The following GRK7 variants were observed in gnomAD, a reference collection of about 807,000 sequenced individuals.
GRK7 encodes the protein G protein-coupled receptor kinase 7, also known as rhodopsin kinase GRK7.
Under a neutral mutation model 34.1 loss-of-function variants are expected in GRK7, and 24 were observed. That is an observed-to-expected ratio of 0.70 (90% CI 0.51 to 0.99). The LOEUF (loss-of-function observed/expected upper bound fraction) is 0.99. GRK7 is among the 50% of genes least tolerant of loss of function. The pLI is 0.00. For synonymous variants in GRK7, 256 were observed against 279.4 expected, an observed-to-expected ratio of 0.92 and a Z score of 0.84; for missense variants, 644 against 707.3, an observed-to-expected ratio of 0.91 and a Z score of 1.02.
At chr3:141,791,785 C>G (rs1322572984) in intron 4 of GRK7, among the ~76,000 whole-genome samples, 1 of 151,894 alleles carries the variant, frequency 6.6e-6, no homozygotes, top group African/African-American at 2.4e-5. Flanking sequence ...GGGCAGATCA[C>G]TTGAGGTCAG....
chr3:141,808,217 G>A (rs929177304), intron 5 of GRK7, among the ~76,000 whole-genome samples: 1 of 152,150 alleles, frequency 6.6e-6, no homozygotes, highest in Non-Finnish European at 1.5e-5. Flanking sequence ...GGAATTTATA[G>A]GATTGGTTAT....
chr3:141,789,454 A>G (rs772046488), intron 4 of GRK7, among the ~76,000 whole-genome samples: 1 of 152,180 alleles, frequency 6.6e-6, no homozygotes, highest in Non-Finnish European at 1.5e-5. Context: ...GTTCCTTCAC[A>G]GTTCCCAGAG....
the GRK7 span, among the ~76,000 whole-genome samples, chr3:141,750,016 CAAA>C: frequency 1.6e-5 from 2 of 124,722 alleles, no homozygotes; most frequent in African/African-American, 5.7e-5. Flanking sequence ...GACTCCGTCT[CAAA>C]AAAAAAAAAA....
chr3:141,818,275 C>T lies in GRK7; in HGVS notation c.*1225C>T, dbSNP rs6440037. The T allele has an allele frequency of 0.79, 120,189 of 151,986 alleles. 48,414 individuals carry two copies. The highest frequency in any genetic ancestry group is 0.95 in the African/African-American group (39,484 of 41,488). The allele number at this position is 151,986 out of a possible 1,614,324, so 9.4% of individuals were successfully genotyped here. ...GGCAGATGGATCATGAGGTCAGGGGCTCAAGACTAGCCTGGCCAACATGTT... is the reference window on the plus strand; with the variant it reads ...GGCAGATGGATCATGAGGTCAGGGGTTCAAGACTAGCCTGGCCAACATGTT... On this transcript the variant is annotated 3_prime_UTR_variant, in exon 6 of 6. Transcript: ENST00000682958.
intron 4 of GRK7, among the ~76,000 whole-genome samples, chr3:141,805,814 A>G (rs1711030456): frequency 6.6e-6 from 1 of 152,220 alleles, no homozygotes; most frequent in African/African-American, 2.4e-5. Context: ...TGTTTTCTTC[A>G]TAGAGACGGG....
intron 4 of GRK7, among the ~76,000 whole-genome samples, chr3:141,794,183 T>C (rs919497654): frequency 6.6e-6 from 1 of 152,178 alleles, no homozygotes; most frequent in African/African-American, 2.4e-5. Flanking sequence ...TACGGCTCTA[T>C]TGGCTTATTG....
the GRK7 span, among the ~76,000 whole-genome samples, chr3:141,753,804 TA>T: frequency 6.6e-6 from 1 of 152,228 alleles, no homozygotes; most frequent in Non-Finnish European, 1.5e-5. Context: ...ATATCATTGG[TA>T]AAAAATACTA....
At chr3:141,816,132 GATA>G (rs985193187) in intron 5 of GRK7, among the ~76,000 whole-genome samples, 1 of 152,150 alleles carries the variant, frequency 6.6e-6, no homozygotes, top group African/African-American at 2.4e-5. Context: ...TGGAGGGTTT[GATA>G]ATAATAATCA....
At chr3:141,766,846 AT>A (rs773921123) in intron 1 of GRK7, among the ~76,000 whole-genome samples, 1 of 152,230 alleles carries the variant, frequency 6.6e-6, no homozygotes. Context: ...TTAAAATCTT[AT>A]TGTGTGAACA....
chr3:141,757,347 C>T, the GRK7 span, among the ~76,000 whole-genome samples: 1 of 143,902 alleles, frequency 6.9e-6, no homozygotes, highest in South Asian at 2.3e-4. Flanking sequence ...TATTCCCCTT[C>T]ATGTGTCCAT....
At chr3:141,777,450 G>A (rs995486153) in intron 2 of GRK7, among the ~76,000 whole-genome samples, 32 of 143,994 alleles carry the variant, frequency 2.2e-4, no homozygotes, top group African/African-American at 6.5e-4. Flanking sequence ...TCAGCCTCCC[G>A]AGTAGCTGGG....
chr3:141,802,936 C>T (rs1195104095), intron 4 of GRK7, among the ~76,000 whole-genome samples: 4 of 152,122 alleles, frequency 2.6e-5, no homozygotes, highest in Non-Finnish European at 5.9e-5. Context: ...CCTCACTCTC[C>T]TTTTCCCTTC....
At chr3:141,811,176 G>A (rs1254366230) in intron 5 of GRK7, among the ~76,000 whole-genome samples, 1 of 151,890 alleles carries the variant, frequency 6.6e-6, no homozygotes, top group Admixed American at 6.6e-5. Context: ...ATATTAGCCG[G>A]GTGCAGTGGC....
At position 141,778,538 on chromosome 3, in the gene GRK7, C is replaced by T. The variant is rs2107876957; in HGVS notation, c.254C>T (p.Thr85Ile). The stretch of plus-strand genomic sequence containing the variant: ...GTGCCCACGTTCCGCAAGGCGGCAA[C>T]CTTCCTAGAGGACGTGCAGAACTGG... ...ATVPTFRKAA[T>I]FLEDVQNWEL... The change falls in exon 3 of 6, where the codon ACC (threonine) becomes ATC (isoleucine). Residue 85 changes from threonine to isoleucine, a missense_variant. Transcript: ENST00000682958. This position sits in a 1 kb window ranked among gnomAD's most constrained non-coding sequence, Gnocchi z 4.1. The T allele has an allele frequency of 6.2e-7, 1 of 1,613,400 alleles. No individual in the cohort carries two copies. The highest frequency in any genetic ancestry group is 1.1e-5 in the South Asian group (1 of 91,086).
intron 4 of GRK7, among the ~76,000 whole-genome samples, chr3:141,799,738 G>A (rs888833507): frequency 1.3e-5 from 2 of 152,284 alleles, no homozygotes; most frequent in South Asian, 2.1e-4. Flanking sequence ...TTACTATGGA[G>A]ATCAAATGAG....
the GRK7 span, among the ~76,000 whole-genome samples, chr3:141,750,172 C>T: frequency 3.3e-5 from 5 of 152,020 alleles, no homozygotes; most frequent in Admixed American, 6.5e-5. Context: ...TAAACCATTA[C>T]TTCTATTAAT....
At chr3:141,751,498 C>T in the GRK7 span, among the ~76,000 whole-genome samples, 1 of 152,124 alleles carries the variant, frequency 6.6e-6, no homozygotes, top group Non-Finnish European at 1.5e-5. Context: ...AAACCATATT[C>T]TACTACAGCA....
intron 4 of GRK7, among the ~76,000 whole-genome samples, chr3:141,801,323 AAAAAAAAAAAAG>A (rs1417099441): frequency 6.7e-6 from 1 of 149,222 alleles, no homozygotes; most frequent in African/African-American, 2.5e-5. Context: ...AAAAAAAAAA[AAAAAAAAAAAAG>A]AAATGCAAAG....
At chr3:141,751,541 CAT>C in the GRK7 span, among the ~76,000 whole-genome samples, 2 of 152,124 alleles carry the variant, frequency 1.3e-5, no homozygotes, top group African/African-American at 2.4e-5. Context: ...AACCATTTCT[CAT>C]GTGGATTATA....
Sources: allele counts gnomAD v4.1 joint callset (sites outside exome capture counted in the v4.1 genomes callset), GRCh38; gene constraint gnomAD v4.1.1; non-coding constraint Gnocchi (gnomAD v3.1); transcripts MANE v1.5; gene names NCBI Gene and HGNC (gene_info 2026-07-23, HGNC 2026-07-21).